Variants in MYOM3 observed in about 807,000 individuals in gnomAD.
MYOM3 encodes myomesin-3.
MYOM3 carries 155 observed loss-of-function variants against 191.7 expected under a neutral mutation model. The observed-to-expected ratio is 0.81, with a 90% CI of 0.71 to 0.92. The LOEUF is 0.92. Among genes scored for constraint, MYOM3 ranks in the 40% least tolerant of loss-of-function variants. MYOM3 has a pLI of 0.00. For missense variants in MYOM3, 1,889 were observed against 1,890.6 expected, an observed-to-expected ratio of 1.00 and a Z score of 0.02; for synonymous variants, 757 against 762.9, an observed-to-expected ratio of 0.99 and a Z score of 0.13.
intron 29 of MYOM3, among the ~76,000 whole-genome samples, chr1:24,064,784 C>T (rs1643414315): frequency 1.3e-5 from 2 of 152,202 alleles, no homozygotes; most frequent in Non-Finnish European, 2.9e-5. Flanking sequence ...CATCTCCACA[C>T]AGTGGGTTTG....
intron 2 of MYOM3, 45 bp downstream of exon 2, chr1:24,108,431 C>T (rs781337214): frequency 7.5e-5 from 111 of 1,476,060 alleles, no homozygotes; most frequent in Non-Finnish European, 9.5e-5. Context: ...GACTGGGGGC[C>T]CTGGGAACAG....
At position 24,075,308 on chromosome 1, in the gene MYOM3, G is replaced by C. The variant is rs561975031; in HGVS notation, c.2858+11C>G. 1 of 1,611,458 alleles carries C rather than the reference G, an allele frequency of 6.2e-7. No individual in the cohort carries two copies. Among genetic ancestry groups the C allele is most frequent in the East Asian group, 2.2e-5 (1 of 44,840 alleles). On this transcript the variant is annotated intron_variant, in intron 22 of 36. Coordinates refer to ENST00000374434, the MANE Select transcript of MYOM3 (RefSeq NM_152372.4). Reference sequence around the variant, plus strand: ...CCGTTGAGCAGTTGTTTCTCCTCTCGCCTCACTTACTTGTTAACTTTATCC... The same window carrying C: ...CCGTTGAGCAGTTGTTTCTCCTCTCCCCTCACTTACTTGTTAACTTTATCC...
rs1408015765 is a variant in MYOM3 at position 24,068,283 on chromosome 1, T to C, written c.3235A>G (p.Thr1079Ala). 1.9e-6 allele frequency: 3 copies of C among 1,614,078 alleles called. No homozygotes were observed. In the African/African-American group the frequency reaches 4.0e-5, roughly 22 times the overall value. ...GCTTTTCCATCTTGGAGTTGAGCGG[T>C]GTACGACCCTTTGTCCTCCTCAGAC... Reference protein sequence around the residue: ...NLSEEDKGSYTAQLQDGKAKN... With the variant: ...NLSEEDKGSYAAQLQDGKAKN... Residue 1079 changes from threonine (T) to alanine (A), a missense_variant, in exon 26 of 37, where the codon ACC becomes GCC. By Grantham distance (58) the Thr-to-Ala change is moderately conservative. Coordinates refer to ENST00000374434, the MANE Select transcript of MYOM3 (RefSeq NM_152372.4).
At chr1:24,074,406 G>C (rs1643572186) in intron 22 of MYOM3, 137 bp from the exon 23 acceptor site, 1 of 631,996 alleles carries the variant, frequency 1.6e-6, no homozygotes, top group Admixed American at 3.0e-5. Flanking sequence ...AGGAAGCACA[G>C]GCAGCTGCCT....
chr1:24,076,305 G>T (rs1349477597), intron 20 of MYOM3, 32 bp from the exon 21 acceptor site: 1 of 1,509,786 alleles, frequency 6.6e-7, no homozygotes, highest in Non-Finnish European at 9.2e-7. Flanking sequence ...CAGCACTGAG[G>T]ACAGCAGTGA....
intron 6 of MYOM3, among the ~76,000 whole-genome samples, chr1:24,099,425 G>A (rs1292047977): frequency 1.3e-5 from 2 of 150,798 alleles, no homozygotes; most frequent in Non-Finnish European, 2.9e-5. Flanking sequence ...GTATCTCAAG[G>A]CATCGGAATC....
chr1:24,061,249 C>G (rs1441576570), intron 34 of MYOM3, 24 bp downstream of exon 34: 3 of 1,613,968 alleles, frequency 1.9e-6, no homozygotes, highest in Middle Eastern at 1.6e-4. Context: ...ATAATTCACA[C>G]TGAGAAATGT....
Position 24,057,619 on chromosome 1 carries a change from G to A in MYOM3, c.4059C>T (p.Cys1353=). 1 of 1,613,892 alleles carries A rather than the reference G, an allele frequency of 6.2e-7. No homozygotes were observed. The highest frequency in any genetic ancestry group is 8.5e-7 in the Non-Finnish European group (1 of 1,179,856). The change falls in exon 37 of 37, where the codon TGC becomes TGT. Residue 1353 remains cysteine (C), a synonymous_variant. Coordinates refer to ENST00000374434, the MANE Select transcript of MYOM3 (RefSeq NM_152372.4). ...VATIMEDKTL[C]LTCIVSGDPT... ...GGTCTCCTGAGACGATGCAAGTCAA[G>A]CACAGGGTCTGTTTGAAAAGACAGG...
chr1:24,093,762 G>A (rs1199016358), intron 9 of MYOM3, among the ~76,000 whole-genome samples: 3 of 152,150 alleles, frequency 2.0e-5, no homozygotes, highest in Non-Finnish European at 4.4e-5. Flanking sequence ...TTGGGAAGAC[G>A]TCTCAGCCTT....
At chr1:24,082,300 G>C (rs1396292714) in intron 17 of MYOM3, 112 bp from the exon 18 acceptor site, 2 of 1,078,432 alleles carry the variant, frequency 1.9e-6, no homozygotes, top group African/African-American at 3.2e-5. Context: ...CCCTACTCCA[G>C]GGGTTTTTCC....
chr1:24,102,756 C>T lies in MYOM3; in HGVS notation c.561-2981G>A, dbSNP rs58843530. On this transcript the variant is annotated intron_variant, in intron 5 of 36. Transcript: ENST00000374434. ...AGCTACTTGGGAGGCTGAGGTAGGA[C>T]GATCGCTTGAGCCCAGGAAGTTGAG... is the stretch of plus-strand genomic sequence containing the variant. 2.5e-3 allele frequency among the ~76,000 whole-genome samples: 376 copies of T among 152,096 alleles called. 1 individual carries two copies. Among genetic ancestry groups the T allele is most frequent in the Non-Finnish European group, 4.5e-3 (303 of 67,988 alleles).
At chr1:24,102,098 A>G (rs1372020108) in intron 5 of MYOM3, among the ~76,000 whole-genome samples, 1 of 152,086 alleles carries the variant, frequency 6.6e-6, no homozygotes, top group Non-Finnish European at 1.5e-5. Flanking sequence ...GTTGAAGAGG[A>G]GGCCTCCCAG....
At chr1:24,104,690 C>T (rs547167241) in intron 5 of MYOM3, among the ~76,000 whole-genome samples, 10 of 152,246 alleles carry the variant, frequency 6.6e-5, no homozygotes, top group African/African-American at 2.4e-4. Flanking sequence ...GCTGGGACTA[C>T]AGGTGCAGGC....
At chr1:24,099,616 C>A (rs954890835) in intron 6 of MYOM3, 64 bp downstream of exon 6, 5 of 1,318,486 alleles carry the variant, frequency 3.8e-6, no homozygotes, top group Non-Finnish European at 4.4e-6. Flanking sequence ...GGTTTGGGAT[C>A]CTGCTCTGGC....
chr1:24,098,482 T>G (rs111671092), intron 6 of MYOM3, among the ~76,000 whole-genome samples: 5,475 of 152,300 alleles, frequency 0.036, 339 homozygotes, highest in African/African-American at 0.12. Context: ...GTCTTAGGTG[T>G]GGGTCTCACC....
At chr1:24,085,280 A>AGATGGATGGATGGATGGATG (rs55900087) in intron 15 of MYOM3, among the ~76,000 whole-genome samples, 10 of 137,568 alleles carry the variant, frequency 7.3e-5, no homozygotes, top group Non-Finnish European at 1.1e-4. Context: ...ATGGATGGAT[A>AGATGGATGGATGGATGGATG]GATGGATGGA....
chr1:24,089,790 C>T, intron 13 of MYOM3, 125 bp from the exon 14 acceptor site: 1 of 1,172,482 alleles, frequency 8.5e-7, no homozygotes, highest in Non-Finnish European at 1.2e-6. Flanking sequence ...CAGTAGTTGG[C>T]TCCAGGTCAC....
chr1:24,084,448 A>G lies in MYOM3; in HGVS notation c.1970+20T>C. 2 of 1,613,808 alleles carry G rather than the reference A, an allele frequency of 1.2e-6. No homozygotes were observed. The highest frequency in any genetic ancestry group is 1.7e-6 in the Non-Finnish European group (2 of 1,179,710). Reference sequence around the variant, plus strand: ...TTTATAGCAGTGTGAGAACAGACTGATACGGGTGGGCAGACGTACCTGGTG... The same window carrying G: ...TTTATAGCAGTGTGAGAACAGACTGGTACGGGTGGGCAGACGTACCTGGTG... On this transcript the variant is annotated intron_variant, in intron 16 of 36. Transcript: ENST00000374434.
At chr1:24,101,516 G>A (rs1335121662) in intron 5 of MYOM3, among the ~76,000 whole-genome samples, 1 of 152,320 alleles carries the variant, frequency 6.6e-6, no homozygotes, top group East Asian at 1.9e-4. Flanking sequence ...GGAGGCCAAG[G>A]CTGGAGGATT....
Sources: gnomAD v4.1 joint callset for allele counts (sites outside exome capture counted in the v4.1 genomes callset) on GRCh38, gnomAD v4.1.1 for gene constraint, MANE v1.5 for transcripts, NCBI Gene and HGNC (gene_info 2026-07-23, HGNC 2026-07-21) for gene names.